The following TNNI3K variants were observed in gnomAD, a reference collection of about 807,000 sequenced individuals.
TNNI3K encodes serine/threonine-protein kinase TNNI3K.
In TNNI3K, 140 loss-of-function variants were observed where a neutral mutation model predicts 114.5. That is an observed-to-expected ratio of 1.22 (90% CI 1.07 to 1.41). The LOEUF is 1.41. TNNI3K is among the 40% of genes most tolerant of loss of function. The probability of loss-of-function intolerance (pLI) is 0.00; values close to 1 mark genes in which losing one functional copy is unlikely to be tolerated. For synonymous variants in TNNI3K, 347 were observed against 347.5 expected (o/e 1.00, Z 0.02); for missense variants, 1,125 against 1,007.6 (o/e 1.12, Z -1.58).
At chr1:74,351,525 T>C (rs1443513149) in intron 9 of TNNI3K, among the ~76,000 whole-genome samples, 1 of 152,218 alleles carries the variant, frequency 6.6e-6, no homozygotes, top group African/African-American at 2.4e-5. Flanking sequence ...CCTTGCTAGA[T>C]TGGGGAAGTT....
chr1:74,428,163 G>C (rs1222016058), intron 17 of TNNI3K, among the ~76,000 whole-genome samples: 6 of 152,036 alleles, frequency 3.9e-5, no homozygotes, highest in Non-Finnish European at 7.4e-5. Context: ...GTTTCCAAGA[G>C]TTCACTGAAA....
chr1:74,312,145 A>G (rs1378359639), intron 5 of TNNI3K, among the ~76,000 whole-genome samples: 1 of 152,216 alleles, frequency 6.6e-6, no homozygotes, highest in South Asian at 2.1e-4. Flanking sequence ...AAAATTATAA[A>G]GCATATGGAC....
At position 74,540,225 on chromosome 1, in the gene TNNI3K, A is replaced by G. The variant is rs369803957; in HGVS notation, c.2352-9A>G. ...CATACTGTGAAACTGTGTTTTATTA[A>G]TTTTCCAGTGCTGGACAATATTCCT... is the stretch of plus-strand genomic sequence containing the variant. On this transcript the variant is annotated splice_polypyrimidine_tract_variant and intron_variant, in intron 23 of 24. Coordinates refer to ENST00000326637, the MANE Select transcript of TNNI3K (RefSeq NM_015978.3). 9 of 1,610,068 alleles carry G rather than the reference A, an allele frequency of 5.6e-6. No homozygotes were observed. In the African/African-American group the frequency reaches 1.2e-4, roughly 22 times the overall value.
At chr1:74,447,433 T>C (rs1666754365) in intron 20 of TNNI3K, among the ~76,000 whole-genome samples, 1 of 146,610 alleles carries the variant, frequency 6.8e-6, no homozygotes, top group Admixed American at 6.7e-5. Context: ...AACAACCCCA[T>C]CAAAAAGTGG....
Position 74,343,121 on chromosome 1 carries a change from A to C in TNNI3K, c.874A>C (p.Ile292Leu). The part of the protein sequence containing the change: ...KFEVAKEIIQ[I>L]SGTESLTKEN... Reference sequence around the variant, plus strand: ...TGAAGTTGCCAAGGAAATCATCCAAATATCAGGAACAGAAAGTCTGACTAA... The same window carrying C: ...TGAAGTTGCCAAGGAAATCATCCAACTATCAGGAACAGAAAGTCTGACTAA... Residue 292 changes from isoleucine to leucine, a missense_variant, in exon 9 of 25, where the codon ATA becomes CTA. Ile to Leu is a conservative substitution (Grantham distance 5, BLOSUM62 2). Transcript: ENST00000326637. 6 of 1,613,492 alleles carry C rather than the reference A, an allele frequency of 3.7e-6. No individual in the cohort carries two copies. The highest frequency in any genetic ancestry group is 5.1e-6 in the Non-Finnish European group (6 of 1,179,798).
intron 4 of TNNI3K, among the ~76,000 whole-genome samples, chr1:74,260,433 G>C (rs565661447): frequency 6.6e-6 from 1 of 152,242 alleles, no homozygotes; most frequent in African/African-American, 2.4e-5. Flanking sequence ...TCATATCTCA[G>C]TTATGAGACT....
At chr1:74,368,265 G>T (rs953551493) in intron 13 of TNNI3K, among the ~76,000 whole-genome samples, 1 of 151,528 alleles carries the variant, frequency 6.6e-6, no homozygotes, top group African/African-American at 2.4e-5. Flanking sequence ...TTTCTTTAAG[G>T]AGAATTGGGA....
At chr1:74,251,601 A>G (rs1486412042) in intron 4 of TNNI3K, among the ~76,000 whole-genome samples, 2 of 152,158 alleles carry the variant, frequency 1.3e-5, no homozygotes, top group African/African-American at 4.8e-5. Flanking sequence ...TCTTATTTGT[A>G]TATTGCGTAT....
intron 17 of TNNI3K, among the ~76,000 whole-genome samples, chr1:74,386,625 G>A (rs1350019765): frequency 6.6e-6 from 1 of 152,104 alleles, no homozygotes. Context: ...GAATTGTGGG[G>A]CACTTTTACA....
intron 9 of TNNI3K, chr1:74,346,265 T>A (rs1368942692): frequency 6.6e-6 from 1 of 152,132 alleles, no homozygotes; most frequent in African/African-American, 2.4e-5. Flanking sequence ...TGAGATCTTA[T>A]CCTCTGGTCA....
At chr1:74,424,916 G>T (rs1320476777) in intron 17 of TNNI3K, among the ~76,000 whole-genome samples, 4 of 152,048 alleles carry the variant, frequency 2.6e-5, no homozygotes, top group Non-Finnish European at 5.9e-5. Flanking sequence ...AGAAATATGA[G>T]ATCTGTGCAA....
At chr1:74,358,034 C>A (rs549649368) in intron 11 of TNNI3K, among the ~76,000 whole-genome samples, 2 of 152,258 alleles carry the variant, frequency 1.3e-5, no homozygotes, top group South Asian at 4.2e-4. Flanking sequence ...TTGAAAAGAT[C>A]TCAGCCAATT....
chr1:74,491,155 C>T (rs548219144), intron 22 of TNNI3K, among the ~76,000 whole-genome samples: 18 of 152,196 alleles, frequency 1.2e-4, no homozygotes, highest in African/African-American at 1.7e-4. Context: ...ACATGAAAAC[C>T]GGTTGAAGGA....
intron 11 of TNNI3K, among the ~76,000 whole-genome samples, chr1:74,364,747 A>G (rs1463324661): frequency 2.6e-5 from 4 of 152,004 alleles, no homozygotes; most frequent in Admixed American, 1.3e-4. Context: ...TATGAGGACT[A>G]AGCCAACCAT....
At chr1:74,511,697 G>T (rs1670235720) in intron 23 of TNNI3K, among the ~76,000 whole-genome samples, 1 of 152,042 alleles carries the variant, frequency 6.6e-6, no homozygotes, top group African/African-American at 2.4e-5. Context: ...GAAACACACA[G>T]GAAGATAAGT....
At chr1:74,482,728 G>A (rs1322936211) in intron 21 of TNNI3K, among the ~76,000 whole-genome samples, 1 of 152,152 alleles carries the variant, frequency 6.6e-6, no homozygotes, top group Non-Finnish European at 1.5e-5. Flanking sequence ...TTATTAAATT[G>A]TTGACTTAAG....
At chr1:74,513,438 G>T (rs1401534305) in intron 23 of TNNI3K, among the ~76,000 whole-genome samples, 2 of 152,204 alleles carry the variant, frequency 1.3e-5, no homozygotes, top group African/African-American at 2.4e-5. Flanking sequence ...GAAAAGGTTT[G>T]TGCAGAAGGC....
chr1:74,466,142 A>G (rs1041681317), intron 21 of TNNI3K, among the ~76,000 whole-genome samples: 10 of 152,204 alleles, frequency 6.6e-5, no homozygotes, highest in African/African-American at 2.4e-4. Context: ...ATCTGAAGGA[A>G]CAAACTCCGG....
intron 7 of TNNI3K, among the ~76,000 whole-genome samples, chr1:74,340,176 A>G (rs1660680402): frequency 6.6e-6 from 1 of 152,098 alleles, no homozygotes; most frequent in Non-Finnish European, 1.5e-5. Context: ...AATAAGCGGA[A>G]ATAAAGAAGA....
Sources: allele counts gnomAD v4.1 joint callset (sites outside exome capture counted in the v4.1 genomes callset), GRCh38; gene constraint gnomAD v4.1.1; transcripts MANE v1.5; gene names NCBI Gene and HGNC (gene_info 2026-07-23, HGNC 2026-07-21).